The following DOCK3 variants were observed in gnomAD, a reference collection of about 807,000 sequenced individuals.
DOCK3 encodes dedicator of cytokinesis protein 3.
DOCK3 carries 60 observed loss-of-function variants against 265.6 expected under a neutral mutation model. That is an observed-to-expected ratio of 0.23 (90% CI 0.18 to 0.28). The LOEUF is 0.28. Ranked by LOEUF, DOCK3 falls within the 10% of genes least tolerant of loss-of-function variation. The pLI is 1.00. For missense variants in DOCK3, 1,981 were observed against 2,594.3 expected, an observed-to-expected ratio of 0.76 and a Z score of 5.14; for synonymous variants, 881 against 938.0, an observed-to-expected ratio of 0.94 and a Z score of 1.11.
chr3:51,211,143 A>G (rs1348042698), intron 13 of DOCK3, among the ~76,000 whole-genome samples: 3 of 152,122 alleles, frequency 2.0e-5, no homozygotes, highest in Non-Finnish European at 4.4e-5. Context: ...CTCATCCAGC[A>G]TTTCCACAAG....
At chr3:50,940,289 CAAAAAAAAA>C (rs34253657) in intron 5 of DOCK3, among the ~76,000 whole-genome samples, 1 of 117,360 alleles carries the variant, frequency 8.5e-6, no homozygotes, top group Non-Finnish European at 1.8e-5. Context: ...CCATTTCTAC[CAAAAAAAAA>C]AAAAAAAAAG....
chr3:51,338,422 G>A lies in DOCK3; in HGVS notation c.3672+3G>A. On this transcript the variant is annotated splice_donor_region_variant and intron_variant, in intron 36 of 52. Coordinates refer to ENST00000266037, the MANE Select transcript of DOCK3 (RefSeq NM_004947.5). Reference sequence around the variant, plus strand: ...TAGGCTGCACTGTTAACCTGATGGTGAGAGGACATGGGCCCTGACTTCTCT... The same window carrying A: ...TAGGCTGCACTGTTAACCTGATGGTAAGAGGACATGGGCCCTGACTTCTCT... The A allele has an allele frequency of 6.4e-7, 1 of 1,551,870 alleles. No homozygotes were observed. Among genetic ancestry groups the A allele is most frequent in the Non-Finnish European group, 8.7e-7 (1 of 1,147,076 alleles).
At chr3:51,350,789 G>GGGTTTGTCATCTAAGATGAT (rs2085926015) in intron 40 of DOCK3, among the ~76,000 whole-genome samples, 1 of 152,202 alleles carries the variant, frequency 6.6e-6, no homozygotes, top group Admixed American at 6.5e-5. Flanking sequence ...TGGCCTCTTA[G>GGGTTTGTCATCTAAGATGAT]GGTTTGTCAT....
At chr3:51,046,717 G>T (rs987698317) in intron 5 of DOCK3, among the ~76,000 whole-genome samples, 9 of 152,000 alleles carry the variant, frequency 5.9e-5, no homozygotes, top group African/African-American at 2.2e-4. Context: ...CAACAGTATA[G>T]ACCAAATGAC....
intron 1 of DOCK3, among the ~76,000 whole-genome samples, chr3:50,715,728 A>C (rs997079235): frequency 6.6e-6 from 1 of 152,088 alleles, no homozygotes; most frequent in African/African-American, 2.4e-5. Flanking sequence ...GTAGAGTGTG[A>C]ATTTGAGGGA....
At chr3:50,719,904 A>G in intron 1 of DOCK3, 1 of 608,098 alleles carries the variant, frequency 1.6e-6, no homozygotes, top group Non-Finnish European at 3.0e-6. Context: ...TTGTCTGCTA[A>G]CAGCTTGAAG....
At chr3:51,370,472 A>G (rs770886445) in intron 49 of DOCK3, among the ~76,000 whole-genome samples, 2 of 152,202 alleles carry the variant, frequency 1.3e-5, no homozygotes, top group Non-Finnish European at 2.9e-5. Context: ...GTGTCCTGAA[A>G]AGAAGAAAGA....
chr3:51,324,532 C>T (rs111919781), intron 32 of DOCK3, among the ~76,000 whole-genome samples: 3 of 152,238 alleles, frequency 2.0e-5, no homozygotes, highest in African/African-American at 7.2e-5. Flanking sequence ...ATCAAGCTAC[C>T]GTTGACTTTC....
intron 25 of DOCK3, among the ~76,000 whole-genome samples, chr3:51,277,344 T>C (rs2080870037): frequency 1.3e-5 from 2 of 152,218 alleles, no homozygotes; most frequent in Admixed American, 6.5e-5. Context: ...AAAATTAATG[T>C]ATCTGCTTGA....
chr3:51,291,676 C>A (rs1179368210), intron 27 of DOCK3, among the ~76,000 whole-genome samples: 1 of 152,076 alleles, frequency 6.6e-6, no homozygotes, highest in Non-Finnish European at 1.5e-5. Context: ...CATTTACAGA[C>A]AAACTAATAA....
rs2040094186 is a variant in DOCK3, at chr3:50,755,350, C to T, written c.38-23325C>T. Among the ~76,000 whole-genome samples, 5 of 152,238 alleles carry T rather than the reference C, an allele frequency of 3.3e-5. No individual in the cohort carries two copies. The South Asian group carries it at 1.0e-3, about 32-fold the overall frequency. ...AGCTTTGTAAATTTGCCAAACTGAA[C>T]CTTTTTCTGCTCCATGTATAGTATC... On this transcript the variant is annotated intron_variant, in intron 1 of 52. Transcript: ENST00000266037.
intron 9 of DOCK3, among the ~76,000 whole-genome samples, chr3:51,127,384 A>C (rs2084315155): frequency 1.3e-5 from 2 of 152,176 alleles, no homozygotes; most frequent in African/African-American, 4.8e-5. Context: ...ACCCATACAC[A>C]TCTCCTGAGA....
At chr3:51,346,011 C>T (rs572590895) in intron 38 of DOCK3, among the ~76,000 whole-genome samples, 2 of 152,184 alleles carry the variant, frequency 1.3e-5, no homozygotes, top group African/African-American at 4.8e-5. Flanking sequence ...AGGGTTTATT[C>T]TTCTAGTCTC....
In DOCK3 at chr3:51,159,329, A is replaced by T. The variant is rs755125039; in HGVS notation, c.889+25A>T. ...GGTACTGTTCACCTTACCCATTCACATGACTAAGAATGGCCCAACTTGGGA... is the reference window on the plus strand; with the variant it reads ...GGTACTGTTCACCTTACCCATTCACTTGACTAAGAATGGCCCAACTTGGGA... On this transcript the variant is annotated intron_variant, in intron 11 of 52. Coordinates refer to ENST00000266037, the MANE Select transcript of DOCK3 (RefSeq NM_004947.5). 3.1e-6 allele frequency: 5 copies of T among 1,606,588 alleles called. No individual in the cohort carries two copies. In the South Asian group the frequency reaches 5.5e-5, roughly 18 times the overall value.
chr3:51,234,613 T>C (rs2078276603), intron 19 of DOCK3, among the ~76,000 whole-genome samples: 1 of 152,232 alleles, frequency 6.6e-6, no homozygotes, highest in Non-Finnish European at 1.5e-5. Context: ...CTGGCTCTAC[T>C]CTCCTGATTT....
intron 10 of DOCK3, among the ~76,000 whole-genome samples, chr3:51,154,077 T>C (rs1291688651): frequency 6.6e-6 from 1 of 152,238 alleles, no homozygotes; most frequent in Non-Finnish European, 1.5e-5. Context: ...ATGGGATTTA[T>C]CTGGAGATCT....
chr3:51,141,586 TC>T (rs1334687520), intron 9 of DOCK3, among the ~76,000 whole-genome samples: 1 of 152,190 alleles, frequency 6.6e-6, no homozygotes, highest in African/African-American at 2.4e-5. Flanking sequence ...TATTCTTTTC[TC>T]CACTGAGTTG....
chr3:50,821,756 T>G lies in DOCK3; in HGVS notation c.122-19919T>G, dbSNP rs56708704. On this transcript the variant is annotated intron_variant, in intron 2 of 52. Transcript: ENST00000266037. ...CACCATTTATTGAATAGGGAGTCCT[T>G]TCCCCATTGCTTGTTTTTGTCAGCC... Among the ~76,000 whole-genome samples, 1,161 of 152,326 alleles carry G rather than the reference T, an allele frequency of 7.6e-3. 18 individuals carry two copies. The highest frequency in any genetic ancestry group is 0.027 in the African/African-American group (1,117 of 41,576).
At chr3:50,723,569 C>A (rs1377105550) in intron 1 of DOCK3, among the ~76,000 whole-genome samples, 1 of 152,088 alleles carries the variant, frequency 6.6e-6, no homozygotes, top group East Asian at 1.9e-4. Context: ...TGATCTTTGA[C>A]AAACTTGACA....
Sources: allele counts gnomAD v4.1 joint callset (sites outside exome capture counted in the v4.1 genomes callset), GRCh38; gene constraint gnomAD v4.1.1; transcripts MANE v1.5; gene names NCBI Gene and HGNC (gene_info 2026-07-23, HGNC 2026-07-21).